SH2D4B: variants seen among roughly 807,000 people sequenced by gnomAD.
The protein encoded by SH2D4B is SH2 domain-containing protein 4B.
A neutral mutation model predicts 61.5 loss-of-function variants in SH2D4B; 45 were observed. The ratio of observed to expected loss-of-function variants is 0.73; its 90% confidence interval spans 0.58 to 0.94. The LOEUF (loss-of-function observed/expected upper bound fraction) is 0.94, where lower values mean the gene tolerates loss of function less well. SH2D4B is among the 40% of genes least tolerant of loss of function. The pLI is 0.00. For missense variants in SH2D4B, 572 were observed against 574.2 expected (o/e 1.00, Z 0.04); for synonymous variants, 224 against 220.4 (o/e 1.02, Z -0.14).
intron 6 of SH2D4B, among the ~76,000 whole-genome samples, chr10:80,616,467 A>C (rs1156330703): frequency 6.6e-6 from 1 of 152,208 alleles, no homozygotes; most frequent in Non-Finnish European, 1.5e-5. Context: ...AGAGACTACA[A>C]AGAAGAATGA....
At chr10:80,623,266 G>A (rs1385501740) in intron 6 of SH2D4B, among the ~76,000 whole-genome samples, 2 of 152,230 alleles carry the variant, frequency 1.3e-5, no homozygotes, top group Non-Finnish European at 2.9e-5. Context: ...CAGTTCTGGA[G>A]GCTGGGAAGT....
At chr10:80,550,558 C>T (rs534408898) in intron 1 of SH2D4B, among the ~76,000 whole-genome samples, 1 of 152,124 alleles carries the variant, frequency 6.6e-6, no homozygotes, top group South Asian at 2.1e-4. Context: ...CGCGCCACTG[C>T]ACTCCGGCCT....
chr10:80,636,029 A>G (rs1018688723), intron 7 of SH2D4B, among the ~76,000 whole-genome samples: 1 of 152,096 alleles, frequency 6.6e-6, no homozygotes, highest in African/African-American at 2.4e-5. Flanking sequence ...CTTCCCACCT[A>G]TGAGTGAGAA....
chr10:80,594,049 A>G (rs934026960), intron 4 of SH2D4B, among the ~76,000 whole-genome samples: 1 of 152,156 alleles, frequency 6.6e-6, no homozygotes, highest in African/African-American at 2.4e-5. Flanking sequence ...CCTGAGCTCA[A>G]GAAGTCTGTC....
intron 4 of SH2D4B, among the ~76,000 whole-genome samples, chr10:80,595,564 G>C (rs1244487791): frequency 6.6e-6 from 1 of 152,172 alleles, no homozygotes; most frequent in Non-Finnish European, 1.5e-5. Context: ...TGGCCTAGTG[G>C]CTGCCTTTAG....
rs561389860 is a variant in SH2D4B at position 80,574,731 on chromosome 10, G to A, written c.495+3153G>A. On this transcript the variant is annotated intron_variant, in intron 3 of 7. Coordinates refer to ENST00000646907, the MANE Select transcript of SH2D4B (RefSeq NM_001388272.1). ...ATTAATTTGTTTGAGACGGAGTTTC[G>A]CTCTTGTTGTCCAGGCTGGAGTGCA... Among the ~76,000 whole-genome samples the A allele has an allele frequency of 1.3e-3, 195 of 151,816 alleles. 2 individuals carry two copies. The highest frequency in any genetic ancestry group is 4.3e-3 in the African/African-American group (177 of 41,280).
At chr10:80,634,580 A>G (rs911566868) in intron 7 of SH2D4B, 75 bp downstream of exon 7, 2 of 1,517,722 alleles carry the variant, frequency 1.3e-6, no homozygotes, top group Non-Finnish European at 1.8e-6. Context: ...AGCTAGAGCA[A>G]GAGAAGCAAG....
At chr10:80,619,894 T>G (rs1267174405) in intron 6 of SH2D4B, among the ~76,000 whole-genome samples, 1 of 152,222 alleles carries the variant, frequency 6.6e-6, no homozygotes, top group Non-Finnish European at 1.5e-5. Flanking sequence ...TGGGCACACT[T>G]CCGTTTTGCA....
At chr10:80,543,293 C>T (rs918322093) in intron 1 of SH2D4B, among the ~76,000 whole-genome samples, 1 of 152,144 alleles carries the variant, frequency 6.6e-6, no homozygotes, top group Non-Finnish European at 1.5e-5. Context: ...GGAACCGGGG[C>T]CAGCGCGAGT....
intron 1 of SH2D4B, among the ~76,000 whole-genome samples, chr10:80,547,581 A>AG (rs1841699206): frequency 6.6e-6 from 1 of 152,282 alleles, no homozygotes; most frequent in African/African-American, 2.4e-5. Context: ...GGGAGGGGTT[A>AG]GGGAGGTGAC....
chr10:80,643,353 A>G (rs1840339905), intron 7 of SH2D4B, among the ~76,000 whole-genome samples: 1 of 150,818 alleles, frequency 6.6e-6, no homozygotes, highest in South Asian at 2.1e-4. Flanking sequence ...TGTTTGCTTT[A>G]TAGACTTGAT....
At position 80,572,975 on chromosome 10, in the gene SH2D4B, TATATA is replaced by T. The variant is rs1564771973; in HGVS notation, c.495+1398_495+1402del. 4.3e-3 allele frequency among the ~76,000 whole-genome samples: 44 copies of T among 10,296 alleles called. 2 individuals are homozygous for T. The highest frequency in any genetic ancestry group is 0.017 in the African/African-American group (34 of 2,030). The allele number at this position is 10,296 out of a possible 152,430, so 6.8% of individuals were successfully genotyped here. On this transcript the variant is annotated intron_variant, in intron 3 of 7. Transcript: ENST00000646907. ...ATATATATATATATATATATATATA[TATATA>T]TATATATTTTTTTTTTTTTTTTTTT...
chr10:80,643,926 T>G, intron 7 of SH2D4B, 67 bp from the exon 8 acceptor site: 1 of 1,238,650 alleles, frequency 8.1e-7, no homozygotes, highest in Non-Finnish European at 1.2e-6. Flanking sequence ...AACCACTCTC[T>G]CTCTCTCATA....
At chr10:80,558,941 C>G (rs1030217463) in intron 1 of SH2D4B, among the ~76,000 whole-genome samples, 11 of 152,160 alleles carry the variant, frequency 7.2e-5, no homozygotes, top group Non-Finnish European at 1.5e-4. Context: ...CTAACCGGAG[C>G]ATGAAGATTT....
chr10:80,622,375 G>A (rs765914639), intron 6 of SH2D4B, among the ~76,000 whole-genome samples: 2 of 152,162 alleles, frequency 1.3e-5, no homozygotes, highest in South Asian at 2.1e-4. Flanking sequence ...ATGATTTTCT[G>A]TGGCTAAGTT....
chr10:80,542,654 C>G (rs1024542910), intron 1 of SH2D4B, among the ~76,000 whole-genome samples: 1 of 151,992 alleles, frequency 6.6e-6, no homozygotes. Context: ...CCTCGGCCTC[C>G]CAAAATGCTG....
At chr10:80,636,303 G>A (rs567178776) in intron 7 of SH2D4B, among the ~76,000 whole-genome samples, 3 of 152,238 alleles carry the variant, frequency 2.0e-5, no homozygotes, top group East Asian at 1.9e-4. Flanking sequence ...CATCCTTTGG[G>A]TATATACTCA....
intron 3 of SH2D4B, among the ~76,000 whole-genome samples, chr10:80,582,255 A>G (rs1240428359): frequency 1.3e-5 from 2 of 152,184 alleles, no homozygotes; most frequent in Non-Finnish European, 2.9e-5. Flanking sequence ...GCAGGAGGGA[A>G]ACGGGGAGAT....
chr10:80,543,498 G>T (rs1376307199), intron 1 of SH2D4B, among the ~76,000 whole-genome samples: 1 of 152,196 alleles, frequency 6.6e-6, no homozygotes, highest in Non-Finnish European at 1.5e-5. Context: ...CCTACCCCCT[G>T]CCTCCGTGGG....
Sources: allele counts gnomAD v4.1 joint callset (sites outside exome capture counted in the v4.1 genomes callset), GRCh38; gene constraint gnomAD v4.1.1; transcripts MANE v1.5; gene names NCBI Gene and HGNC (gene_info 2026-07-23, HGNC 2026-07-21).